TRIM37: variants seen among roughly 807,000 people sequenced by gnomAD.
The protein encoded by TRIM37 is tripartite motif containing 37.
Under a neutral mutation model 129.8 loss-of-function variants are expected in TRIM37, and 80 were observed. That is an observed-to-expected ratio of 0.62 (90% CI 0.51 to 0.74). The LOEUF (loss-of-function observed/expected upper bound fraction) is 0.74, where lower values mean the gene tolerates loss of function less well. TRIM37 is among the 30% of genes least tolerant of loss of function. TRIM37 has a pLI of 0.00. For missense variants in TRIM37, 1,054 were observed against 1,176.5 expected (o/e 0.90, Z 1.52); for synonymous variants, 389 against 387.1 (o/e 1.00, Z -0.06).
At chr17:59,081,298 A>G (rs922426615) in intron 5 of TRIM37, 79 bp from the exon 6 acceptor site, 1 of 1,561,948 alleles carries the variant, frequency 6.4e-7, no homozygotes, top group African/African-American at 1.4e-5. Context: ...CTCTATGGAC[A>G]CTAATAAACT....
intron 14 of TRIM37, 55 bp downstream of exon 14, chr17:59,051,159 T>C: frequency 8.9e-7 from 1 of 1,125,346 alleles, no homozygotes; most frequent in Non-Finnish European, 1.3e-6. Flanking sequence ...ATTACAAATA[T>C]AACAAGCCAA....
intron 17 of TRIM37, among the ~76,000 whole-genome samples, chr17:59,037,557 C>CAAAAAAAAAAAAAAAAAAAAAAAAAAA (rs58856834): frequency 1.4e-5 from 1 of 73,998 alleles, no homozygotes; most frequent in African/African-American, 5.1e-5. Flanking sequence ...GACTCTGTCT[C>CAAAAAAAAAAAAAAAAAAAAAAAAAAA]AAAAAAAAAA....
At position 59,081,191 on chromosome 17, in the gene TRIM37, G is replaced by A. The variant is rs61758100; in HGVS notation, c.398C>T (p.Ala133Val). The change falls in exon 6 of 24, where the codon GCA (alanine) becomes GTA (valine). Residue 133 changes from alanine (A) to valine (V), a missense_variant. Coordinates refer to ENST00000262294, the MANE Select transcript of TRIM37 (RefSeq NM_015294.6). ...MHGGHTFKPL[A>V]EIYEQHVTKV... ...AGTGACGTGTTGCTCATAAATTTCT[G>A]CCAAAGGTTTAAAGGTATGTCCGCC... is the stretch of plus-strand genomic sequence containing the variant. 8.1e-3 allele frequency: 13,035 copies of A among 1,613,754 alleles called. 73 individuals carry two copies. Among genetic ancestry groups the A allele is most frequent in the Non-Finnish European group, 9.8e-3 (11,558 of 1,179,846 alleles).
At chr17:59,016,932 T>C (rs966165225) in intron 20 of TRIM37, among the ~76,000 whole-genome samples, 1 of 152,082 alleles carries the variant, frequency 6.6e-6, no homozygotes, top group African/African-American at 2.4e-5. Context: ...TCCGAGCACT[T>C]TGGGAGGTTG....
chr17:59,043,975 G>C (rs2039514231), intron 16 of TRIM37, among the ~76,000 whole-genome samples: 1 of 152,190 alleles, frequency 6.6e-6, no homozygotes, highest in African/African-American at 2.4e-5. Context: ...CTCTGCATCT[G>C]TGCATTCAAC....
At chr17:59,042,293 G>T (rs144114896) in intron 16 of TRIM37, among the ~76,000 whole-genome samples, 2 of 148,290 alleles carry the variant, frequency 1.3e-5, no homozygotes, top group African/African-American at 5.0e-5. Context: ...GGAGAATGGC[G>T]TGAACCCAGG....
At chr17:59,087,060 A>G (rs928445674) in intron 4 of TRIM37, among the ~76,000 whole-genome samples, 1 of 152,158 alleles carries the variant, frequency 6.6e-6, no homozygotes, top group Non-Finnish European at 1.5e-5. Context: ...AGAATTCCTT[A>G]AAAGTCCAGT....
chr17:59,009,558 GC>G (rs1441479044), intron 22 of TRIM37, among the ~76,000 whole-genome samples: 2 of 149,808 alleles, frequency 1.3e-5, no homozygotes, highest in Non-Finnish European at 2.9e-5. Context: ...CGATTCTCCT[GC>G]CTCAGCCTCC....
At chr17:59,014,000 T>G (rs2035605967) in intron 21 of TRIM37, among the ~76,000 whole-genome samples, 2 of 151,678 alleles carry the variant, frequency 1.3e-5, no homozygotes, top group African/African-American at 4.9e-5. Context: ...AAAAAAAAAC[T>G]AAGTTCATGT....
chr17:59,063,553 C>T (rs892724680), intron 10 of TRIM37, among the ~76,000 whole-genome samples: 2 of 152,162 alleles, frequency 1.3e-5, no homozygotes, highest in African/African-American at 4.8e-5. Flanking sequence ...TCCTTGTTTC[C>T]ACTTCCATGC....
intron 8 of TRIM37, among the ~76,000 whole-genome samples, chr17:59,075,359 C>G (rs906138979): frequency 6.6e-6 from 1 of 151,760 alleles, no homozygotes; most frequent in Non-Finnish European, 1.5e-5. Context: ...GTCAGGAGAT[C>G]GAGACCATCC....
chr17:58,981,322 T>G, downstream of TRIM37: 2 of 306,984 alleles, frequency 6.5e-6, no homozygotes, highest in East Asian at 6.4e-5. Context: ...CACAACCCCC[T>G]TCCCACCATC....
intron 16 of TRIM37, among the ~76,000 whole-genome samples, chr17:59,046,940 G>A (rs965317369): frequency 1.0e-4 from 15 of 150,068 alleles, no homozygotes; most frequent in Middle Eastern, 3.4e-3. Context: ...GGATCATGAG[G>A]TCAGGAGATC....
chr17:58,992,036 A>C (rs983969096), intron 24 of TRIM37, among the ~76,000 whole-genome samples: 1 of 152,076 alleles, frequency 6.6e-6, no homozygotes, highest in Middle Eastern at 3.4e-3. Flanking sequence ...AGCTGATTAC[A>C]AATTTGGGCG....
chr17:59,074,800 C>T (rs975371985), intron 8 of TRIM37, among the ~76,000 whole-genome samples: 6 of 152,262 alleles, frequency 3.9e-5, no homozygotes, highest in African/African-American at 9.6e-5. Context: ...ATTTATGCAA[C>T]ACTACATATT....
chr17:59,064,276 A>G, intron 10 of TRIM37, 79 bp downstream of exon 10: 6 of 1,077,440 alleles, frequency 5.6e-6, no homozygotes, highest in South Asian at 4.3e-5. Context: ...TCACTAGATT[A>G]CTGTCTTACC....
At chr17:59,094,493 A>T (rs929696839) in intron 2 of TRIM37, among the ~76,000 whole-genome samples, 1 of 152,204 alleles carries the variant, frequency 6.6e-6, no homozygotes, top group Non-Finnish European at 1.5e-5. Flanking sequence ...ATGACATTGG[A>T]CAAGTGACTG....
chr17:58,991,124 G>C (rs1200374993), intron 24 of TRIM37, among the ~76,000 whole-genome samples: 1 of 147,124 alleles, frequency 6.8e-6, no homozygotes. Flanking sequence ...GCAGTGAGCT[G>C]AGATCGCAGT....
At chr17:59,081,966 ATAAT>A (rs1191476948) in intron 5 of TRIM37, among the ~76,000 whole-genome samples, 2 of 139,168 alleles carry the variant, frequency 1.4e-5, no homozygotes, top group Non-Finnish European at 3.2e-5. Context: ...AAAAAAAAAA[ATAAT>A]AATAATAATA....
Sources: gnomAD v4.1 joint callset for allele counts (sites outside exome capture counted in the v4.1 genomes callset) on GRCh38, gnomAD v4.1.1 for gene constraint, MANE v1.5 for transcripts, NCBI Gene and HGNC (gene_info 2026-07-23, HGNC 2026-07-21) for gene names.